The following ARHGEF18 variants were observed in gnomAD, a reference collection of about 807,000 sequenced individuals.
ARHGEF18 encodes Rho/Rac guanine nucleotide exchange factor 18.
A neutral mutation model predicts 155.7 loss-of-function variants in ARHGEF18; 93 were observed. The ratio of observed to expected loss-of-function variants is 0.60; its 90% confidence interval spans 0.50 to 0.71. The LOEUF (loss-of-function observed/expected upper bound fraction) is 0.71. ARHGEF18 is among the 30% of genes least tolerant of loss of function. The pLI is 0.00. For synonymous variants in ARHGEF18, 742 were observed against 753.1 expected (o/e 0.99, Z 0.24); for missense variants, 1,593 against 1,816.1 (o/e 0.88, Z 2.23).
At chr19:7,459,761 C>G (rs987024838) in intron 19 of ARHGEF18, 142 bp from the exon 20 acceptor site, 2 of 659,202 alleles carry the variant, frequency 3.0e-6, no homozygotes, top group Non-Finnish European at 5.1e-6. Context: ...TCTTCCCCTC[C>G]TCGTCCTCCT....
intron 18 of ARHGEF18, among the ~76,000 whole-genome samples, 188 bp from the exon 19 acceptor site, chr19:7,458,324 T>G (rs978025289): frequency 2.7e-5 from 4 of 148,848 alleles, no homozygotes; most frequent in Non-Finnish European, 4.5e-5. Flanking sequence ...AAAAAAAGGT[T>G]TCTAGGATTT....
At position 7,447,063 on chromosome 19, in the gene ARHGEF18, G is replaced by A; in HGVS notation, c.1632G>A (p.Glu544=). 6.2e-7 allele frequency: 1 copy of A among 1,613,340 alleles called. No homozygotes were observed. The highest frequency in any genetic ancestry group is 1.3e-5 in the African/African-American group (1 of 75,014). The change falls in exon 15 of 29, where the codon GAG becomes GAA. Residue 544 remains glutamate, a synonymous_variant. Transcript: ENST00000668164. ...LVQQFSGENG[E]RMKEKYGVFC... ...ATCAGTTTTCAGGTGAAAATGGGGA[G>A]AGAATGAAAGAAAAGTACGGTGTGT... is the stretch of plus-strand genomic sequence containing the variant.
chr19:7,377,076 CTT>C (rs113555255), intron 5 of ARHGEF18, among the ~76,000 whole-genome samples: 7 of 147,042 alleles, frequency 4.8e-5, no homozygotes, highest in African/African-American at 1.5e-4. Flanking sequence ...CTCTATGACT[CTT>C]TTTTTTTTTT....
At position 7,441,782 on chromosome 19, in the gene ARHGEF18, T is replaced by A; in HGVS notation, c.1219+17T>A. ...TTGTAGAAGGTATGGTCATCTCCGC[T>A]CTCTCGCGGCTGCCACACAGTTCCT... On this transcript the variant is annotated intron_variant, in intron 12 of 28. Transcript: ENST00000668164. The A allele has an allele frequency of 3.1e-6, 5 of 1,613,510 alleles. No individual in the cohort carries two copies. The highest frequency in any genetic ancestry group is 1.7e-5 in the Admixed American group (1 of 59,994).
intron 10 of ARHGEF18, chr19:7,439,826 C>CA (rs1974510370): frequency 2.1e-6 from 3 of 1,440,514 alleles, no homozygotes; most frequent in African/African-American, 2.9e-5. Context: ...ACAGCAAACT[C>CA]AAACAGCTCA....
chr19:7,467,297 G>A lies in ARHGEF18; in HGVS notation c.3093G>A (p.Ser1031=), dbSNP rs1244749895. ...QEREKQFRLQ[S]TRGNLLLEQE... ...GGGAGAAGCAGTTCCGGCTGCAGTC[G>A]ACGCGTGGGAACCTGCTGCTGGAGC... Residue 1031 remains serine (S), a synonymous_variant, in exon 26 of 29, where the codon TCG becomes TCA. Coordinates refer to ENST00000668164, the MANE Select transcript of ARHGEF18 (RefSeq NM_001367823.1). The A allele has an allele frequency of 1.3e-5, 20 of 1,543,342 alleles. No individual in the cohort carries two copies. Among genetic ancestry groups the A allele is most frequent in the East Asian group, 4.9e-5 (2 of 41,060 alleles).
chr19:7,408,736 C>T (rs1035714880), intron 10 of ARHGEF18, among the ~76,000 whole-genome samples: 1 of 151,658 alleles, frequency 6.6e-6, no homozygotes, highest in African/African-American at 2.4e-5. Context: ...GAGTTTGAGT[C>T]CCCCCAGATG....
At chr19:7,454,758 A>G (rs1003151580) in intron 17 of ARHGEF18, among the ~76,000 whole-genome samples, 3 of 152,214 alleles carry the variant, frequency 2.0e-5, no homozygotes, top group South Asian at 2.1e-4. Context: ...TTGACTTCCC[A>G]ATGGAAACCC....
intron 27 of ARHGEF18, among the ~76,000 whole-genome samples, chr19:7,469,353 C>G (rs1976871309): frequency 2.0e-5 from 3 of 152,210 alleles, no homozygotes; most frequent in Admixed American, 6.5e-5. Context: ...CCACCTCAAC[C>G]CTCAAAACAG....
chr19:7,375,614 C>A, intron 3 of ARHGEF18, 106 bp from the exon 4 acceptor site: 1 of 1,135,186 alleles, frequency 8.8e-7, no homozygotes, highest in Non-Finnish European at 1.1e-6. Flanking sequence ...CTTCCTTGTC[C>A]TGGAAGGGCC....
intron 10 of ARHGEF18, among the ~76,000 whole-genome samples, chr19:7,433,748 G>C (rs930446606): frequency 1.3e-5 from 2 of 151,794 alleles, no homozygotes; most frequent in South Asian, 4.2e-4. Flanking sequence ...GGCTGGGTGC[G>C]GTGGCTCAGG....
intron 10 of ARHGEF18, chr19:7,439,933 C>T: frequency 6.7e-7 from 1 of 1,485,482 alleles, no homozygotes; most frequent in Non-Finnish European, 9.0e-7. Context: ...CTGCAATTTC[C>T]ACAGTAAATG....
Position 7,435,060 on chromosome 19 carries a change from G to T in ARHGEF18, c.968-5284G>T, listed in dbSNP as rs1048006422. ...CTACTAAAAATACAAAAATTAGCTG[G>T]GCGTGGTGGCAGGCACCTGTAATCC... On this transcript the variant is annotated intron_variant, in intron 10 of 28. Transcript: ENST00000668164. 2.2e-4 allele frequency among the ~76,000 whole-genome samples: 33 copies of T among 152,114 alleles called. 1 individual carries two copies. The highest frequency in any genetic ancestry group is 4.4e-5 in the Non-Finnish European group (3 of 68,012).
At chr19:7,383,508 A>C (rs896025892) in intron 10 of ARHGEF18, 4 of 396,996 alleles carry the variant, frequency 1.0e-5, no homozygotes, top group African/African-American at 8.2e-5. Flanking sequence ...ACCATGCACC[A>C]GGTGGCTTAA....
At position 7,451,057 on chromosome 19, in the gene ARHGEF18, G is replaced by A. The variant is rs568061738; in HGVS notation, c.1738-92G>A. The A allele has an allele frequency of 8.2e-4, 756 of 922,094 alleles. 10 individuals are homozygous for A. The highest frequency in any genetic ancestry group is 1.7e-3 in the Middle Eastern group (7 of 4,002). 57.1% of individuals were successfully genotyped at this position (922,094 alleles called of 1,614,324 possible). ...CTGTCCATTTCCGAGATGTTAATGC[G>A]GGATCTTGCTGTCCGTTTCTGAGAT... On this transcript the variant is annotated intron_variant, in intron 15 of 28. Coordinates refer to ENST00000668164, the MANE Select transcript of ARHGEF18 (RefSeq NM_001367823.1).
rs1232373645 is a variant in ARHGEF18, at chr19:7,463,902, C to T, written c.2720C>T (p.Pro907Leu). The T allele has an allele frequency of 6.3e-6, 10 of 1,599,730 alleles. No individual in the cohort carries two copies. Among genetic ancestry groups the T allele is most frequent in the Non-Finnish European group, 7.7e-6 (9 of 1,173,832 alleles). Residue 907 changes from proline (P) to leucine (L), a missense_variant, in exon 22 of 29, where the codon CCC becomes CTC. Transcript: ENST00000668164. This position sits in a 1 kb window ranked among gnomAD's most constrained non-coding sequence, Gnocchi z 5.2. ...AEDGGSSTGPPRRAETFAGYD... is the reference protein window; with the variant it reads ...AEDGGSSTGPLRRAETFAGYD... ...GACGGAGGCAGCTCCACAGGCCCGCCCAGGAGGGCTGAGACCTTCGCGGGC... is the reference window on the plus strand; with the variant it reads ...GACGGAGGCAGCTCCACAGGCCCGCTCAGGAGGGCTGAGACCTTCGCGGGC...
chr19:7,451,152 A>G lies in ARHGEF18; in HGVS notation c.1741A>G (p.Ile581Val), dbSNP rs1975430199. ...NKKFQNLIKKIGNFSIVRRLG... is the reference protein window; with the variant it reads ...NKKFQNLIKKVGNFSIVRRLG... ...GATCTTGCTTTCTGTTTCCTAGAAA[A>G]TTGGCAACTTCTCCATCGTGCGGCG... is the stretch of plus-strand genomic sequence containing the variant. Residue 581 changes from isoleucine to valine, a missense_variant, in exon 16 of 29, where the codon ATT becomes GTT. Physicochemically the swap from Ile to Val is conservative, Grantham distance 29 (BLOSUM62 3). Transcript: ENST00000668164. 1 of 1,467,756 alleles carries G rather than the reference A, an allele frequency of 6.8e-7. No individual in the cohort carries two copies. The highest frequency in any genetic ancestry group is 2.9e-5 in the African/African-American group (1 of 34,090). The allele number at this position is 1,467,756 out of a possible 1,614,324, so 90.9% of individuals were successfully genotyped here.
intron 10 of ARHGEF18, among the ~76,000 whole-genome samples, chr19:7,384,288 G>T (rs1455718430): frequency 6.6e-6 from 1 of 152,102 alleles, no homozygotes; most frequent in African/African-American, 2.4e-5. Context: ...GCCTCCAGTT[G>T]CAACAATCAA....
intron 10 of ARHGEF18, among the ~76,000 whole-genome samples, chr19:7,404,141 G>A (rs1269075114): frequency 6.6e-6 from 1 of 152,022 alleles, no homozygotes; most frequent in South Asian, 2.1e-4. Flanking sequence ...CACTGCACCT[G>A]GCCTAGTTAT....
Sources: allele counts gnomAD v4.1 joint callset (sites outside exome capture counted in the v4.1 genomes callset), GRCh38; gene constraint gnomAD v4.1.1; non-coding constraint Gnocchi (gnomAD v3.1); transcripts MANE v1.5; gene names NCBI Gene and HGNC (gene_info 2026-07-23, HGNC 2026-07-21).